Variants in STUM observed in about 807,000 individuals in gnomAD.
The protein encoded by STUM is stum, mechanosensory transduction mediator homolog, also known as protein stum homolog.
STUM carries 8 observed loss-of-function variants against 15.3 expected under a neutral mutation model. The observed-to-expected ratio is 0.52, with a 90% CI of 0.31 to 0.94. The LOEUF (loss-of-function observed/expected upper bound fraction) is 0.94, where lower values mean the gene tolerates loss of function less well. STUM is among the 40% of genes least tolerant of loss of function. The probability of loss-of-function intolerance (pLI) is 0.05; values close to 1 mark genes in which losing one functional copy is unlikely to be tolerated. For missense variants in STUM, 142 were observed against 204.9 expected (o/e 0.69, Z 1.87); for synonymous variants, 78 against 88.7 (o/e 0.88, Z 0.68).
At position 226,600,529 on chromosome 1, in the gene STUM, C is replaced by A; in HGVS notation, c.383-137C>A. ...GAGAAGCCACTGGCATGGCCCCTGTCCCATCTCCCAGGCCTCACCATGGAT... is the reference window on the plus strand; with the variant it reads ...GAGAAGCCACTGGCATGGCCCCTGTACCATCTCCCAGGCCTCACCATGGAT... On this transcript the variant is annotated intron_variant, in intron 2 of 3. Transcript: ENST00000366788. The surrounding 1 kb of genome is among the most constrained non-coding windows in gnomAD (Gnocchi z 5.2). 9.6e-7 allele frequency: 1 copy of A among 1,037,570 alleles called. No individual in the cohort carries two copies. Among genetic ancestry groups the A allele is most frequent in the Non-Finnish European group, 1.5e-6 (1 of 680,870 alleles). The allele number at this position is 1,037,570 out of a possible 1,614,324, so 64.3% of individuals were successfully genotyped here.
intron 1 of STUM, among the ~76,000 whole-genome samples, chr1:226,595,789 T>A (rs530543848): frequency 6.6e-6 from 1 of 152,280 alleles, no homozygotes; most frequent in Middle Eastern, 3.4e-3. Flanking sequence ...AGCCAAGGAA[T>A]GTAGGTGGCC....
intron 1 of STUM, among the ~76,000 whole-genome samples, chr1:226,582,669 T>C (rs1325629138): frequency 6.6e-6 from 1 of 151,748 alleles, no homozygotes; most frequent in African/African-American, 2.4e-5. Context: ...TGAAAGCCAG[T>C]GCACAGGAAG....
chr1:226,569,207 C>A (rs1169954241), intron 1 of STUM, among the ~76,000 whole-genome samples: 1 of 152,180 alleles, frequency 6.6e-6, no homozygotes, highest in African/African-American at 2.4e-5. Context: ...TCTCATAGGG[C>A]TCTCTTGAAG....
intron 1 of STUM, among the ~76,000 whole-genome samples, chr1:226,553,192 G>A (rs971908379): frequency 6.6e-6 from 1 of 152,202 alleles, no homozygotes; most frequent in Non-Finnish European, 1.5e-5. Context: ...GGATGAAATT[G>A]TTCAACAGAA....
At chr1:226,582,176 G>A (rs1279660306) in intron 1 of STUM, among the ~76,000 whole-genome samples, 4 of 152,330 alleles carry the variant, frequency 2.6e-5, no homozygotes, top group African/African-American at 4.8e-5. Flanking sequence ...CCCCTGCCCC[G>A]GGAAATGTCA....
intron 1 of STUM, among the ~76,000 whole-genome samples, chr1:226,561,539 A>AT (rs1667543007): frequency 6.6e-6 from 1 of 152,186 alleles, no homozygotes. Flanking sequence ...TTGCTAGGAC[A>AT]GATGGCCTGG....
In STUM at chr1:226,602,662, C is replaced by G. The variant is rs940997932; in HGVS notation, c.*622C>G. 6.6e-6 allele frequency: 1 copy of G among 152,616 alleles called. No individual in the cohort carries two copies. The highest frequency in any genetic ancestry group is 1.9e-4 in the East Asian group (1 of 5,178). The allele number at this position is 152,616 out of a possible 1,614,324, so 9.5% of individuals were successfully genotyped here. On this transcript the variant is annotated 3_prime_UTR_variant, in exon 4 of 4. Transcript: ENST00000366788. ...TGGGCCTGCCTCCCTGACCGCACCC[C>G]CCGCCTCCTCGCAGCTGAAATCTGA...
intron 1 of STUM, among the ~76,000 whole-genome samples, chr1:226,588,534 G>A (rs758190908): frequency 6.6e-6 from 1 of 152,222 alleles, no homozygotes; most frequent in Non-Finnish European, 1.5e-5. Context: ...GTTTACTCAG[G>A]CCACAGCCAT....
intron 1 of STUM, among the ~76,000 whole-genome samples, chr1:226,589,326 C>T (rs1034520308): frequency 6.6e-6 from 1 of 152,202 alleles, no homozygotes; most frequent in Non-Finnish European, 1.5e-5. Context: ...CTTCTCTTCT[C>T]GTGCCTGACA....
rs778027832 is a variant in STUM at position 226,600,138 on chromosome 1, G to A, written c.383-528G>A. Among the ~76,000 whole-genome samples the A allele has an allele frequency of 7.9e-5, 12 of 151,690 alleles. No homozygotes were observed. The highest frequency in any genetic ancestry group is 8.8e-5 in the Non-Finnish European group (6 of 67,878). ...TTATCTGGAGGAAGGCATGAGCTGA[G>A]GATGAAAAAAAAAAGGCTAGGTGCT... On this transcript the variant is annotated intron_variant, in intron 2 of 3. Transcript: ENST00000366788. This position sits in a 1 kb window ranked among gnomAD's most constrained non-coding sequence, Gnocchi z 5.2.
chr1:226,592,921 C>T lies in STUM; in HGVS notation c.203-3881C>T, dbSNP rs953383547. On this transcript the variant is annotated intron_variant, in intron 1 of 3. Transcript: ENST00000366788. ...ACCCTGCCACTTGGGCGCGGTGGCTCGCGCCTGTAATCCCAGCACTTTGGG... is the reference window on the plus strand; with the variant it reads ...ACCCTGCCACTTGGGCGCGGTGGCTTGCGCCTGTAATCCCAGCACTTTGGG... Among the ~76,000 whole-genome samples, 15 of 152,172 alleles carry T rather than the reference C, an allele frequency of 9.9e-5. No individual in the cohort carries two copies. In the South Asian group the frequency reaches 1.7e-3, roughly 17 times the overall value.
At chr1:226,590,350 G>A (rs903954565) in intron 1 of STUM, among the ~76,000 whole-genome samples, 1 of 152,140 alleles carries the variant, frequency 6.6e-6, no homozygotes, top group Admixed American at 6.5e-5. Flanking sequence ...TGGCCTAAGC[G>A]AGTCTGCGAT....
chr1:226,559,847 C>A (rs1667509168), intron 1 of STUM, among the ~76,000 whole-genome samples: 1 of 152,170 alleles, frequency 6.6e-6, no homozygotes, highest in Non-Finnish European at 1.5e-5. Flanking sequence ...GTGGCGGGTG[C>A]CTGTAGTCCC....
chr1:226,590,095 C>A (rs1184741834), intron 1 of STUM, among the ~76,000 whole-genome samples: 1 of 150,602 alleles, frequency 6.6e-6, no homozygotes, highest in East Asian at 1.9e-4. Flanking sequence ...CTTCCCCCCA[C>A]CATCCCCTTC....
intron 2 of STUM, among the ~76,000 whole-genome samples, chr1:226,598,057 G>T (rs928565279): frequency 6.6e-6 from 1 of 152,218 alleles, no homozygotes; most frequent in Non-Finnish European, 1.5e-5. Flanking sequence ...ATATTGTGAG[G>T]TAAGCCCAGC....
intron 1 of STUM, among the ~76,000 whole-genome samples, chr1:226,577,235 G>A (rs1406875315): frequency 6.6e-6 from 1 of 152,214 alleles, no homozygotes; most frequent in East Asian, 1.9e-4. Flanking sequence ...CTCACAGCCA[G>A]TGCAGGGAAG....
In STUM at chr1:226,605,635, A is replaced by G. The variant is rs906641483; in HGVS notation, c.*3595A>G. The G allele has an allele frequency of 2.0e-5, 3 of 152,136 alleles. No individual in the cohort carries two copies. Among genetic ancestry groups the G allele is most frequent in the African/African-American group, 7.2e-5 (3 of 41,400 alleles). 9.4% of individuals were successfully genotyped at this position (152,136 alleles called of 1,614,324 possible). A position where few individuals can be genotyped will look rare whatever the true frequency, so the allele number is the denominator to read the frequency against. ...GCCCCCACCCCAAGCTGGGAAAATA[A>G]GCTTCTCCCTCCCATATGTGGGGGC... is the stretch of plus-strand genomic sequence containing the variant. On this transcript the variant is annotated 3_prime_UTR_variant, in exon 4 of 4. Coordinates refer to ENST00000366788, the MANE Select transcript of STUM (RefSeq NM_001003665.4). This position sits in a 1 kb window ranked among gnomAD's most constrained non-coding sequence, Gnocchi z 4.0.
chr1:226,548,984 C>G lies in STUM; in HGVS notation c.80C>G (p.Ser27Trp), dbSNP rs765482144. Residue 27 changes from serine to tryptophan, a missense_variant, in exon 1 of 4, where the codon TCG (serine) becomes TGG (tryptophan). Ser to Trp is a radical substitution (Grantham distance 177, BLOSUM62 -3). Transcript: ENST00000366788. The part of the protein sequence containing the change: ...VAAADPRGAS[S>W]SSGVVVQVRE... ...GCGGCGGACCCCCGGGGGGCGTCCT[C>G]GTCCAGCGGGGTGGTGGTGCAGGTC... 3 of 1,530,844 alleles carry G rather than the reference C, an allele frequency of 2.0e-6. No individual in the cohort carries two copies. The highest frequency in any genetic ancestry group is 2.6e-6 in the Non-Finnish European group (3 of 1,141,336). 94.8% of individuals were successfully genotyped at this position (1,530,844 alleles called of 1,614,324 possible).
At chr1:226,589,719 C>CCAGGAACAGCACGCG (rs1553311959) in intron 1 of STUM, among the ~76,000 whole-genome samples, 1 of 151,276 alleles carries the variant, frequency 6.6e-6, no homozygotes, top group Non-Finnish European at 1.5e-5. Flanking sequence ...GCTGGGACCT[C>CCAGGAACAGCACGCG]CAGGAACAGC....
Sources: gnomAD v4.1 joint callset for allele counts (sites outside exome capture counted in the v4.1 genomes callset) on GRCh38, gnomAD v4.1.1 for gene constraint, Gnocchi (gnomAD v3.1) non-coding constraint, MANE v1.5 for transcripts, NCBI Gene and HGNC (gene_info 2026-07-23, HGNC 2026-07-21) for gene names.